ADAMTS12: variants seen among roughly 807,000 people sequenced by gnomAD.
The protein encoded by ADAMTS12 is ADAM metallopeptidase with thrombospondin type 1 motif 12, also known as A disintegrin and metalloproteinase with thrombospondin motifs 12.
In ADAMTS12, 118 loss-of-function variants were observed where a neutral mutation model predicts 167.8. That is an observed-to-expected ratio of 0.70 (90% CI 0.61 to 0.82). The LOEUF (loss-of-function observed/expected upper bound fraction) is 0.82. Among genes scored for constraint, ADAMTS12 ranks in the 40% least tolerant of loss-of-function variants. ADAMTS12 has a pLI of 0.00. For missense variants in ADAMTS12, 1,916 were observed against 1,998.8 expected (o/e 0.96, Z 0.79); for synonymous variants, 704 against 716.9 (o/e 0.98, Z 0.29).
At chr5:33,883,857 T>C (rs1413359112) in intron 1 of ADAMTS12, among the ~76,000 whole-genome samples, 1 of 152,208 alleles carries the variant, frequency 6.6e-6, no homozygotes, top group East Asian at 1.9e-4. Flanking sequence ...CTAAGAAATG[T>C]CTGCTCCAAT....
rs372046481 is a variant in ADAMTS12, at chr5:33,591,984, G to T, written c.2655-3175C>A. On this transcript the variant is annotated intron_variant, in intron 17 of 23. Coordinates refer to ENST00000504830, the MANE Select transcript of ADAMTS12 (RefSeq NM_030955.4). ...GCCTGTAATCCCAGCACTTTGGGAG[G>T]CTGAGGTGGGCGGATCACCTGAGGT... Among the ~76,000 whole-genome samples the T allele has an allele frequency of 1.3e-4, 20 of 152,150 alleles. No homozygotes were observed. The South Asian group carries it at 4.1e-3, about 32-fold the overall frequency.
intron 1 of ADAMTS12, among the ~76,000 whole-genome samples, chr5:33,882,574 GTTGTT>G (rs544756356): frequency 1.3e-4 from 20 of 152,080 alleles, no homozygotes; most frequent in East Asian, 7.7e-4. Flanking sequence ...TTCTTTTTTT[GTTGTT>G]TTGTTTTGTT....
chr5:33,645,399 A>AAGC (rs1325841914), intron 9 of ADAMTS12, among the ~76,000 whole-genome samples: 7 of 152,022 alleles, frequency 4.6e-5, no homozygotes, highest in Non-Finnish European at 8.8e-5. Context: ...CCTTTCATTG[A>AAGC]AGCACAACTC....
At chr5:33,616,607 T>C (rs867846279) in intron 14 of ADAMTS12, among the ~76,000 whole-genome samples, 4 of 152,254 alleles carry the variant, frequency 2.6e-5, no homozygotes, top group African/African-American at 9.6e-5. Flanking sequence ...CCTGGCTATC[T>C]TGAATACAGC....
intron 5 of ADAMTS12, among the ~76,000 whole-genome samples, chr5:33,674,353 T>C (rs146683887): frequency 1.3e-5 from 2 of 152,202 alleles, no homozygotes; most frequent in Non-Finnish European, 2.9e-5. Context: ...TAGGAACTGC[T>C]AGTAGAAGAT....
intron 5 of ADAMTS12, among the ~76,000 whole-genome samples, chr5:33,670,244 T>C (rs1367511358): frequency 6.6e-6 from 1 of 152,032 alleles, no homozygotes. Context: ...CATAAAAAGA[T>C]ACTCAACATT....
chr5:33,665,866 G>A lies in ADAMTS12; in HGVS notation c.916-3826C>T, dbSNP rs116984424. On this transcript the variant is annotated intron_variant, in intron 5 of 23. Coordinates refer to ENST00000504830, the MANE Select transcript of ADAMTS12 (RefSeq NM_030955.4). The stretch of plus-strand genomic sequence containing the variant: ...TTATGGGGATCACATCTCTCAGGGG[G>A]AAGATGAGGCAGGAAAATGGGTCTA... 2.1e-4 allele frequency among the ~76,000 whole-genome samples: 32 copies of A among 152,310 alleles called. No homozygotes were observed. In the East Asian group the frequency reaches 6.0e-3, roughly 28 times the overall value.
intron 2 of ADAMTS12, among the ~76,000 whole-genome samples, chr5:33,880,478 T>C (rs959041469): frequency 2.0e-5 from 3 of 152,198 alleles, no homozygotes; most frequent in East Asian, 3.8e-4. Flanking sequence ...CCATAGACAA[T>C]CTGTAAACAC....
At chr5:33,610,919 T>C (rs1738699278) in intron 16 of ADAMTS12, among the ~76,000 whole-genome samples, 1 of 151,960 alleles carries the variant, frequency 6.6e-6, no homozygotes. Context: ...ATACAAAAAT[T>C]AGCTGGATGT....
chr5:33,658,426 T>G, intron 6 of ADAMTS12, 93 bp from the exon 7 acceptor site: 1 of 1,450,760 alleles, frequency 6.9e-7, no homozygotes, highest in Non-Finnish European at 9.4e-7. Context: ...ACATTCAATA[T>G]GGTCTGTAAA....
intron 2 of ADAMTS12, among the ~76,000 whole-genome samples, chr5:33,843,607 A>T (rs1748830041): frequency 6.6e-6 from 1 of 152,248 alleles, no homozygotes; most frequent in Non-Finnish European, 1.5e-5. Flanking sequence ...CATAAATATA[A>T]AAGGGAGAAA....
chr5:33,750,432 C>T (rs1280447090), intron 3 of ADAMTS12, among the ~76,000 whole-genome samples: 1 of 152,134 alleles, frequency 6.6e-6, no homozygotes, highest in Non-Finnish European at 1.5e-5. Flanking sequence ...GTCCTCTTGT[C>T]CTTTCATTCT....
intron 2 of ADAMTS12, among the ~76,000 whole-genome samples, chr5:33,880,471 T>C (rs1033361242): frequency 6.6e-6 from 1 of 152,224 alleles, no homozygotes; most frequent in Admixed American, 6.5e-5. Flanking sequence ...AAAACAGCCA[T>C]AGACAATCTG....
intron 2 of ADAMTS12, among the ~76,000 whole-genome samples, chr5:33,869,862 C>T (rs142190738): frequency 6.6e-6 from 1 of 152,100 alleles, no homozygotes. Flanking sequence ...TCCTAATATA[C>T]CTGGGGGCGC....
intron 19 of ADAMTS12, among the ~76,000 whole-genome samples, chr5:33,570,549 G>C (rs1325789812): frequency 6.6e-6 from 1 of 152,042 alleles, no homozygotes; most frequent in Admixed American, 6.5e-5. Context: ...CAAATGCTGA[G>C]AGATTTTGTC....
intron 18 of ADAMTS12, among the ~76,000 whole-genome samples, chr5:33,581,697 T>C (rs781533823): frequency 5.9e-5 from 9 of 152,200 alleles, no homozygotes; most frequent in Non-Finnish European, 8.8e-5. Context: ...TTGGGTTGAA[T>C]TGTGTCCCTC....
At chr5:33,690,523 C>T (rs899189513) in intron 3 of ADAMTS12, among the ~76,000 whole-genome samples, 1 of 151,574 alleles carries the variant, frequency 6.6e-6, no homozygotes, top group Non-Finnish European at 1.5e-5. Flanking sequence ...TGACACTGCA[C>T]TCACTTCATT....
chr5:33,795,440 T>A (rs1746737504), intron 2 of ADAMTS12, among the ~76,000 whole-genome samples: 1 of 152,156 alleles, frequency 6.6e-6, no homozygotes, highest in Non-Finnish European at 1.5e-5. Context: ...TATTAAAAAT[T>A]ACCAAATTCC....
chr5:33,568,742 A>G (rs541315782), intron 19 of ADAMTS12, among the ~76,000 whole-genome samples: 39 of 152,354 alleles, frequency 2.6e-4, no homozygotes, highest in African/African-American at 8.4e-4. Flanking sequence ...GAAAGTGGGC[A>G]CAGGACAGTG....
Sources: allele counts gnomAD v4.1 joint callset (sites outside exome capture counted in the v4.1 genomes callset), GRCh38; gene constraint gnomAD v4.1.1; transcripts MANE v1.5; gene names NCBI Gene and HGNC (gene_info 2026-07-23, HGNC 2026-07-21).